The following RBFOX2 variants were observed in gnomAD, a reference collection of about 807,000 sequenced individuals.
RBFOX2 encodes the protein RNA binding protein fox-1 homolog 2.
Under a neutral mutation model 49.1 loss-of-function variants are expected in RBFOX2, and 10 were observed. That is an observed-to-expected ratio of 0.20 (90% CI 0.13 to 0.35). RBFOX2 has a LOEUF of 0.35. Among genes scored for constraint, RBFOX2 ranks in the 10% least tolerant of loss-of-function variants. RBFOX2 has a pLI of 1.00. For synonymous variants in RBFOX2, 183 were observed against 187.4 expected (o/e 0.98, Z 0.19); for missense variants, 323 against 486.9 (o/e 0.66, Z 3.17).
At chr22:35,984,327 G>A (rs1444107182) in intron 1 of RBFOX2, among the ~76,000 whole-genome samples, 5 of 152,136 alleles carry the variant, frequency 3.3e-5, no homozygotes, top group Admixed American at 6.5e-5. Context: ...CTAATATTGA[G>A]AACCTCTGCC....
Position 35,809,811 on chromosome 22 carries a change from T to C in RBFOX2, c.221A>G (p.Asn74Ser), listed in dbSNP as rs1460530439. 4.3e-6 allele frequency: 7 copies of C among 1,613,802 alleles called. No homozygotes were observed. In the Admixed American group the frequency reaches 5.0e-5, roughly 12 times the overall value. ...AGATCCATTTTGTGTGCTGGGTGAGTTGCTGCTCTGCTCCCCGTGGGCTTG... is the reference window on the plus strand; with the variant it reads ...AGATCCATTTTGTGTGCTGGGTGAGCTGCTGCTCTGCTCCCCGTGGGCTTG... The change falls in exon 2 of 12, where the codon AAC becomes AGC. Residue 74 changes from asparagine (N) to serine (S), a missense_variant. Around this residue, in one of 2 missense-constraint regions of RBFOX2, gnomAD observed 123 missense variants for 116.9 expected, o/e 1.05. Coordinates refer to ENST00000405409, the Ensembl canonical transcript of RBFOX2.
intron 1 of RBFOX2, among the ~76,000 whole-genome samples, chr22:36,001,728 T>C (rs373803107): frequency 5.6e-4 from 85 of 152,120 alleles, no homozygotes; most frequent in Non-Finnish European, 1.0e-3. Flanking sequence ...TACCACTGCA[T>C]TCCAGCCTGG....
chr22:35,746,582 G>A (rs1213122360), intron 9 of RBFOX2, 21 bp from the exon 12 acceptor site: 8 of 1,465,202 alleles, frequency 5.5e-6, no homozygotes, highest in Non-Finnish European at 7.4e-6. Context: ...GAAGAGAACT[G>A]ACTTTACAGA....
chr22:35,906,158 G>A (rs889786036), intron 1 of RBFOX2, among the ~76,000 whole-genome samples: 4 of 152,074 alleles, frequency 2.6e-5, no homozygotes, highest in Non-Finnish European at 5.9e-5. Context: ...AAAAAGAAAG[G>A]TTTAGCAATG....
chr22:35,857,657 C>T (rs2042660577), intron 1 of RBFOX2, among the ~76,000 whole-genome samples: 2 of 152,144 alleles, frequency 1.3e-5, no homozygotes, highest in South Asian at 2.1e-4. Context: ...GGTTGAGATT[C>T]CTCTCCCACA....
chr22:35,762,582 C>G (rs1417494848), intron 6 of RBFOX2, among the ~76,000 whole-genome samples: 1 of 150,158 alleles, frequency 6.7e-6, no homozygotes, highest in Non-Finnish European at 1.5e-5. Context: ...TTTCGGCTCA[C>G]CACAACCTCG....
At chr22:35,955,742 C>A (rs1603457922) in intron 1 of RBFOX2, among the ~76,000 whole-genome samples, 1 of 152,146 alleles carries the variant, frequency 6.6e-6, no homozygotes, top group East Asian at 1.9e-4. Context: ...TCACCTCCTG[C>A]CGTGTGGCCT....
chr22:35,931,557 A>G (rs1306994553), intron 1 of RBFOX2, among the ~76,000 whole-genome samples: 1 of 151,960 alleles, frequency 6.6e-6, no homozygotes, highest in Non-Finnish European at 1.5e-5. Context: ...GGTGGAACGC[A>G]TGAACTCAGG....
At chr22:35,745,260 T>C (rs565611840) in intron 11 of RBFOX2, among the ~76,000 whole-genome samples, 1 of 152,332 alleles carries the variant, frequency 6.6e-6, no homozygotes, top group East Asian at 1.9e-4. Context: ...CCTGTCTTTG[T>C]TGCAGCCTGT....
intron 2 of RBFOX2, among the ~76,000 whole-genome samples, chr22:35,809,309 G>C (rs1329220030): frequency 6.6e-6 from 1 of 152,136 alleles, no homozygotes; most frequent in East Asian, 1.9e-4. Context: ...AAGCAATTTG[G>C]TGGAAGAGTA....
chr22:35,987,063 T>A (rs1415207874), intron 1 of RBFOX2, among the ~76,000 whole-genome samples: 1 of 152,206 alleles, frequency 6.6e-6, no homozygotes, highest in African/African-American at 2.4e-5. Flanking sequence ...TGGTGTTTTA[T>A]CTTCCATTTT....
intron 1 of RBFOX2, among the ~76,000 whole-genome samples, chr22:35,824,114 A>G (rs1390870778): frequency 4.0e-5 from 6 of 151,852 alleles, no homozygotes; most frequent in African/African-American, 1.2e-4. Context: ...GCGCTATTGC[A>G]CTCCAGACTG....
intron 1 of RBFOX2, among the ~76,000 whole-genome samples, chr22:36,019,267 C>T (rs2059158011): frequency 6.6e-6 from 1 of 152,168 alleles, no homozygotes; most frequent in Admixed American, 6.5e-5. Context: ...TCCCCTTCCT[C>T]TGACAAGAGA....
At chr22:35,926,890 G>C (rs909164148) in intron 1 of RBFOX2, among the ~76,000 whole-genome samples, 2 of 152,114 alleles carry the variant, frequency 1.3e-5, no homozygotes, top group Non-Finnish European at 2.9e-5. Context: ...GACTTTCTGG[G>C]TTACCTGGAA....
At chr22:35,846,174 T>C (rs1202592349) in intron 1 of RBFOX2, among the ~76,000 whole-genome samples, 4 of 149,902 alleles carry the variant, frequency 2.7e-5, no homozygotes, top group African/African-American at 4.9e-5. Flanking sequence ...ACTATAATTA[T>C]AAACTTGCAT....
rs188875364 is a variant in RBFOX2, at chr22:35,931,123, G to C, written c.-34+7724C>G. ...ATATACCAGACCTTCATCCACTAGA[G>C]GGTGTAAGGACAACACCACAGAAGG... On this transcript the variant is annotated intron_variant, in intron 1 of 13. Coordinates refer to the RBFOX2 transcript ENST00000359369. 7.9e-5 allele frequency among the ~76,000 whole-genome samples: 12 copies of C among 152,206 alleles called. No individual in the cohort carries two copies. In the East Asian group the frequency reaches 2.1e-3, roughly 27 times the overall value.
At position 36,012,685 on chromosome 22, in the gene RBFOX2, C is replaced by A. The variant is rs143815559; in HGVS notation, c.186+15555G>T. ...ATCTGGAGGGTGACTATAGAAAAAG[C>A]AACACAAATTATTAAGATTTAAAAA... On this transcript the variant is annotated intron_variant, in intron 1 of 13. Coordinates refer to the RBFOX2 transcript ENST00000438146. Among the ~76,000 whole-genome samples the A allele has an allele frequency of 3.7e-3, 557 of 152,170 alleles. 2 individuals carry two copies. The highest frequency in any genetic ancestry group is 0.013 in the African/African-American group (536 of 41,514).
chr22:35,841,627 G>A (rs190132253), upstream of RBFOX2, among the ~76,000 whole-genome samples: 12 of 152,166 alleles, frequency 7.9e-5, no homozygotes, highest in African/African-American at 2.9e-4. Context: ...GGATTTATGA[G>A]ATATTTTAGT....
At chr22:35,961,426 G>T in intron 1 of RBFOX2, 1 of 851,618 alleles carries the variant, frequency 1.2e-6, no homozygotes, top group South Asian at 2.5e-5. Flanking sequence ...TTTAAATCAG[G>T]CATTAATGCA....
Sources: allele counts gnomAD v4.1 joint callset (sites outside exome capture counted in the v4.1 genomes callset), GRCh38; gene constraint gnomAD v4.1.1; regional missense constraint gnomAD v4.1.1; transcripts MANE v1.5; gene names NCBI Gene and HGNC (gene_info 2026-07-23, HGNC 2026-07-21).